POU6F2: variants seen among roughly 807,000 people sequenced by gnomAD.
POU6F2 encodes POU class 6 homeobox 2, also known as POU domain, class 6, transcription factor 2.
POU6F2 carries 31 observed loss-of-function variants against 71.3 expected under a neutral mutation model. That is an observed-to-expected ratio of 0.43 (90% CI 0.33 to 0.59). The LOEUF (loss-of-function observed/expected upper bound fraction) is 0.59. POU6F2 is among the 20% of genes least tolerant of loss of function. POU6F2 has a pLI of 0.04. For synonymous variants in POU6F2, 347 were observed against 355.7 expected (o/e 0.98, Z 0.27); for missense variants, 783 against 856.8 (o/e 0.91, Z 1.07).
chr7:39,286,529 C>T (rs1285843408), intron 4 of POU6F2, among the ~76,000 whole-genome samples: 1 of 152,170 alleles, frequency 6.6e-6, no homozygotes, highest in Non-Finnish European at 1.5e-5. Flanking sequence ...GCTCAGATTT[C>T]TCTCAAATAC....
intron 2 of POU6F2, among the ~76,000 whole-genome samples, chr7:39,186,923 C>G (rs917879256): frequency 6.6e-6 from 1 of 152,166 alleles, no homozygotes; most frequent in African/African-American, 2.4e-5. Context: ...AGCTGTGACC[C>G]GGTTTCCCAG....
intron 6 of POU6F2, among the ~76,000 whole-genome samples, chr7:39,411,090 CA>C (rs1436726007): frequency 1.3e-5 from 2 of 152,172 alleles, no homozygotes; most frequent in Non-Finnish European, 2.9e-5. Flanking sequence ...TAACTGTGCA[CA>C]AAAACCCATG....
chr7:39,089,530 A>G (rs1017456460), intron 2 of POU6F2, among the ~76,000 whole-genome samples: 2 of 152,146 alleles, frequency 1.3e-5, no homozygotes, highest in African/African-American at 2.4e-5. Context: ...TTGGCAAACA[A>G]TCTTAAAGGG....
chr7:39,386,465 T>C (rs1786946253), intron 5 of POU6F2, among the ~76,000 whole-genome samples: 2 of 152,158 alleles, frequency 1.3e-5, no homozygotes, highest in Admixed American at 1.3e-4. Flanking sequence ...CAGATGAGGT[T>C]AGAATTGTAC....
At chr7:39,318,367 C>T (rs1785315665) in intron 4 of POU6F2, among the ~76,000 whole-genome samples, 1 of 152,126 alleles carries the variant, frequency 6.6e-6, no homozygotes, top group African/African-American at 2.4e-5. Flanking sequence ...GCCCTGGAAT[C>T]AGCATTTTTA....
intron 5 of POU6F2, among the ~76,000 whole-genome samples, chr7:39,378,939 T>A (rs60464047): frequency 0.13 from 19,865 of 152,182 alleles, 1,447 homozygotes; most frequent in Admixed American, 0.21. Context: ...TTTTCCCTTG[T>A]GGGGAAGATT....
At chr7:38,987,915 G>A (rs1417862449) in intron 1 of POU6F2, among the ~76,000 whole-genome samples, 1 of 152,128 alleles carries the variant, frequency 6.6e-6, no homozygotes. Context: ...GGGTAGGTGT[G>A]TTCTTTTTCC....
intron 2 of POU6F2, among the ~76,000 whole-genome samples, chr7:39,116,904 TAATC>T (rs1791941508): frequency 6.6e-6 from 1 of 152,212 alleles, no homozygotes; most frequent in Non-Finnish European, 1.5e-5. Context: ...TACAGAATTT[TAATC>T]AATAAGTCAG....
At chr7:39,013,601 C>T (rs1267785162) in intron 1 of POU6F2, 3 of 152,234 alleles carry the variant, frequency 2.0e-5, no homozygotes, top group Non-Finnish European at 4.4e-5. Flanking sequence ...ATGTCTTGTT[C>T]TGTAGAGTTT....
At chr7:39,186,064 C>A (rs527342309) in intron 2 of POU6F2, among the ~76,000 whole-genome samples, 1 of 152,148 alleles carries the variant, frequency 6.6e-6, no homozygotes, top group East Asian at 1.9e-4. Flanking sequence ...GCACTCACTA[C>A]CACGCGTGGC....
At chr7:39,368,449 A>G (rs1166467655) in intron 5 of POU6F2, among the ~76,000 whole-genome samples, 3 of 152,262 alleles carry the variant, frequency 2.0e-5, no homozygotes, top group Non-Finnish European at 4.4e-5. Flanking sequence ...AGACTTAAGG[A>G]AAGAAGCCAT....
chr7:39,085,815 T>A, intron 1 of POU6F2, 45 bp from the exon 2 acceptor site: 1 of 1,602,928 alleles, frequency 6.2e-7, no homozygotes. Flanking sequence ...ACTCTAAATC[T>A]GCCACTTTTT....
rs976078941 is a variant in POU6F2 at position 39,100,516 on chromosome 7, C to T, written c.277+14485C>T. ...TAATTACATATTCATGCCCTATGCT[C>T]ATTTCTTAGAAATCATTGGCACTTC... is the stretch of plus-strand genomic sequence containing the variant. On this transcript the variant is annotated intron_variant, in intron 2 of 9. Coordinates refer to ENST00000518318, the MANE Select transcript of POU6F2 (RefSeq NM_001370959.1). 6.6e-5 allele frequency among the ~76,000 whole-genome samples: 10 copies of T among 152,310 alleles called. No homozygotes were observed. In the South Asian group the frequency reaches 2.1e-3, roughly 32 times the overall value.
intron 2 of POU6F2, among the ~76,000 whole-genome samples, chr7:39,141,149 T>G (rs12701696): frequency 0.03 from 4,582 of 152,328 alleles, 94 homozygotes; most frequent in Middle Eastern, 0.078. Context: ...GAGGTGCAAC[T>G]GTTTTTGTGT....
At chr7:39,060,784 T>C (rs1355355224) in intron 1 of POU6F2, among the ~76,000 whole-genome samples, 1 of 152,134 alleles carries the variant, frequency 6.6e-6, no homozygotes, top group Non-Finnish European at 1.5e-5. Flanking sequence ...TTCAAACTTA[T>C]TGAAGACTGT....
chr7:39,426,950 T>C (rs2299132), intron 6 of POU6F2, among the ~76,000 whole-genome samples: 45,027 of 152,110 alleles, frequency 0.3, 7,095 homozygotes, highest in East Asian at 0.54. Flanking sequence ...AAACTTCCAA[T>C]GTAGCATTCT....
chr7:39,264,326 G>A (rs923892063), intron 4 of POU6F2, among the ~76,000 whole-genome samples: 6 of 152,176 alleles, frequency 3.9e-5, no homozygotes, highest in East Asian at 1.9e-4. Context: ...ATGTGGACCC[G>A]TCATTCAAAT....
chr7:39,037,158 A>T (rs1437393821), intron 1 of POU6F2, among the ~76,000 whole-genome samples: 1 of 152,014 alleles, frequency 6.6e-6, no homozygotes, highest in African/African-American at 2.4e-5. Context: ...CTTCCTACAA[A>T]ATCACTTTTC....
rs115336893 is a variant in POU6F2, at chr7:39,393,899, G to A, written c.973-12701G>A. On this transcript the variant is annotated intron_variant, in intron 5 of 9. Transcript: ENST00000518318. ...TGTGGTTATTGGGATGGAAGGAAGA[G>A]GAGGCATATGCTTTGTTCCTTATAA... Among the ~76,000 whole-genome samples the A allele has an allele frequency of 5.0e-3, 756 of 152,304 alleles. 4 individuals are homozygous for A. The highest frequency in any genetic ancestry group is 0.017 in the African/African-American group (713 of 41,566).
Sources: allele counts gnomAD v4.1 joint callset (sites outside exome capture counted in the v4.1 genomes callset), GRCh38; gene constraint gnomAD v4.1.1; transcripts MANE v1.5; gene names NCBI Gene and HGNC (gene_info 2026-07-23, HGNC 2026-07-21).